Variants in RPS6KC1 observed in about 807,000 individuals in gnomAD.
The protein encoded by RPS6KC1 is inactive ribosomal protein S6 kinase delta-1.
In RPS6KC1, 54 loss-of-function variants were observed where a neutral mutation model predicts 103.8. The ratio of observed to expected loss-of-function variants is 0.52; its 90% CI spans 0.42 to 0.65. The LOEUF (loss-of-function observed/expected upper bound fraction) is 0.65, where lower values mean the gene tolerates loss of function less well. Among genes scored for constraint, RPS6KC1 ranks in the 30% least tolerant of loss-of-function variants. The pLI is 0.00. For missense variants in RPS6KC1, 1,151 were observed against 1,253.8 expected (o/e 0.92, Z 1.24); for synonymous variants, 439 against 438.7 (o/e 1.00, Z -0.01).
the RPS6KC1 span, among the ~76,000 whole-genome samples, chr1:213,833,030 C>T: frequency 1.3e-5 from 2 of 152,098 alleles, no homozygotes; most frequent in Non-Finnish European, 1.5e-5. Context: ...CCCACACCCC[C>T]GAAGACCCAT....
intron 14 of RPS6KC1, among the ~76,000 whole-genome samples, chr1:213,263,031 A>AT (rs1179324611): frequency 2.0e-5 from 3 of 151,972 alleles, no homozygotes; most frequent in African/African-American, 4.8e-5. Flanking sequence ...CTTGGTATTA[A>AT]TTTTTTTCCC....
At chr1:213,272,417 C>A in intron 14 of RPS6KC1, 107 bp from the exon 15 acceptor site, 2 of 805,012 alleles carry the variant, frequency 2.5e-6, no homozygotes, top group Non-Finnish European at 4.2e-6. Context: ...TTAATCAAGA[C>A]TGCTTGTTAC....
chr1:213,548,463 C>G, the RPS6KC1 span, among the ~76,000 whole-genome samples: 1 of 152,094 alleles, frequency 6.6e-6, no homozygotes, highest in Non-Finnish European at 1.5e-5. Context: ...GAGATCGAGA[C>G]CATCCTGGCC....
the RPS6KC1 span, among the ~76,000 whole-genome samples, chr1:213,550,245 G>C: frequency 6.6e-6 from 1 of 152,168 alleles, no homozygotes; most frequent in African/African-American, 2.4e-5. Context: ...GTCAGACCCA[G>C]GGGGAAGAAA....
the RPS6KC1 span, among the ~76,000 whole-genome samples, chr1:213,642,092 G>T: frequency 6.6e-6 from 1 of 152,128 alleles, no homozygotes; most frequent in Non-Finnish European, 1.5e-5. Flanking sequence ...CTTGGGTGAA[G>T]ACTAGAGGGT....
the RPS6KC1 span, among the ~76,000 whole-genome samples, chr1:213,776,434 C>T: frequency 6.6e-6 from 1 of 152,194 alleles, no homozygotes; most frequent in Admixed American, 6.5e-5. Context: ...ATCAGAGCTC[C>T]TGGGTGACCA....
the RPS6KC1 span, among the ~76,000 whole-genome samples, chr1:213,675,007 TGTTTAA>T: frequency 2.0e-5 from 3 of 152,206 alleles, no homozygotes; most frequent in African/African-American, 7.2e-5. Context: ...CTTGCTGAAT[TGTTTAA>T]GTTCCTTATA....
chr1:213,464,882 T>C, the RPS6KC1 span, among the ~76,000 whole-genome samples: 60 of 152,166 alleles, frequency 3.9e-4, no homozygotes, highest in Admixed American at 2.1e-3. Context: ...AGTTCTCTCT[T>C]TAGGACCAAG....
At chr1:213,361,089 A>G in the RPS6KC1 span, among the ~76,000 whole-genome samples, 3 of 152,354 alleles carry the variant, frequency 2.0e-5, no homozygotes, top group African/African-American at 7.2e-5. Context: ...CAGAGCTGTC[A>G]GACAGGGACA....
chr1:213,077,750 C>T lies in RPS6KC1; in HGVS notation c.196C>T (p.Gln66Ter). 1.3e-6 allele frequency: 2 copies of T among 1,547,342 alleles called. No homozygotes were observed. Reference sequence around the variant, plus strand: ...TAAGAAACTACACAAAGAACTATGGCAAATTCACAAAAACTTATTCCGACA... The same window carrying T: ...TAAGAAACTACACAAAGAACTATGGTAAATTCACAAAAACTTATTCCGACA... ...DFKKLHKELW[Q>*]IHKNLFRHSE... The change falls in exon 3 of 15, where the codon CAA becomes TAA. Residue 66 changes from glutamine (Q) to a stop codon, truncating the protein, a stop_gained. Transcript: ENST00000366960. LOFTEE classifies it high-confidence loss of function.
the RPS6KC1 span, among the ~76,000 whole-genome samples, chr1:213,694,091 GAGAATGCTTAACAGGAGGTGCTAGGA>G: frequency 1.3e-5 from 2 of 152,228 alleles, no homozygotes; most frequent in African/African-American, 4.8e-5. Context: ...TTGTCTAACT[GAGAATGCTTAACAGGAGGTGCTAGGA>G]AAGGCTGGGA....
the RPS6KC1 span, among the ~76,000 whole-genome samples, chr1:213,658,973 C>CT: frequency 3.3e-4 from 50 of 150,332 alleles, no homozygotes; most frequent in Admixed American, 1.3e-3. Context: ...TCTTTTTTTT[C>CT]TTTTTTTTTG....
chr1:213,246,689 A>C (rs2094459282), intron 12 of RPS6KC1, among the ~76,000 whole-genome samples: 1 of 152,016 alleles, frequency 6.6e-6, no homozygotes, highest in Non-Finnish European at 1.5e-5. Flanking sequence ...TTTTTTTACT[A>C]CTTTTTTTCT....
At chr1:213,856,453 A>ATCGT in the RPS6KC1 span, among the ~76,000 whole-genome samples, 42,572 of 136,056 alleles carry the variant, frequency 0.31, 6,857 homozygotes, top group East Asian at 0.51. Flanking sequence ...TCTCTGCTCC[A>ATCGT]TCCTTCCTTC....
At chr1:213,635,795 G>A in the RPS6KC1 span, among the ~76,000 whole-genome samples, 21 of 152,030 alleles carry the variant, frequency 1.4e-4, no homozygotes, top group African/African-American at 3.6e-4. Flanking sequence ...AAAGAAATCA[G>A]GGGTATTCAA....
chr1:213,746,946 G>A, the RPS6KC1 span, among the ~76,000 whole-genome samples: 15 of 152,182 alleles, frequency 9.9e-5, no homozygotes, highest in African/African-American at 3.6e-4. Flanking sequence ...ACATCCAAGT[G>A]GAGATGTTGA....
At chr1:213,207,847 AT>A (rs2093396558) in intron 8 of RPS6KC1, among the ~76,000 whole-genome samples, 1 of 151,826 alleles carries the variant, frequency 6.6e-6, no homozygotes, top group Admixed American at 6.6e-5. Flanking sequence ...TAATTTTTAT[AT>A]TTTTAGTAGA....
the RPS6KC1 span, among the ~76,000 whole-genome samples, chr1:213,554,322 A>G: frequency 6.6e-6 from 1 of 152,110 alleles, no homozygotes; most frequent in Admixed American, 6.6e-5. Context: ...TGAAGATCAC[A>G]TGGTTATCAG....
the RPS6KC1 span, among the ~76,000 whole-genome samples, chr1:213,778,471 C>T: frequency 5.3e-5 from 8 of 152,212 alleles, no homozygotes; most frequent in South Asian, 2.1e-4. Flanking sequence ...AATTTCCTTT[C>T]GGGGGCTCTA....
Sources: allele counts gnomAD v4.1 joint callset (sites outside exome capture counted in the v4.1 genomes callset), GRCh38; gene constraint gnomAD v4.1.1; transcripts MANE v1.5; gene names NCBI Gene and HGNC (gene_info 2026-07-23, HGNC 2026-07-21).